ITPR2: variants seen among roughly 807,000 people sequenced by gnomAD.
ITPR2 encodes inositol 1,4,5-trisphosphate receptor type 2, also known as inositol 1,4,5-trisphosphate-gated calcium channel ITPR2.
A neutral mutation model predicts 317.1 loss-of-function variants in ITPR2; 207 were observed. The ratio of observed to expected loss-of-function variants is 0.65; its 90% CI spans 0.58 to 0.73. The LOEUF is 0.73. Ranked by LOEUF, ITPR2 falls within the 30% of genes least tolerant of loss-of-function variation. The probability of loss-of-function intolerance (pLI) is 0.00; values close to 1 mark genes in which losing one functional copy is unlikely to be tolerated. For synonymous variants in ITPR2, 1,156 were observed against 1,149.1 expected, an observed-to-expected ratio of 1.01 and a Z score of -0.12; for missense variants, 2,613 against 3,284.0, an observed-to-expected ratio of 0.80 and a Z score of 4.99.
intron 34 of ITPR2, among the ~76,000 whole-genome samples, chr12:26,573,165 G>A (rs989460839): frequency 6.6e-6 from 1 of 152,060 alleles, no homozygotes; most frequent in African/African-American, 2.4e-5. Flanking sequence ...TAGGACTACA[G>A]GTATGCACCA....
chr12:26,388,048 C>T (rs1278742934), intron 54 of ITPR2, among the ~76,000 whole-genome samples: 1 of 152,034 alleles, frequency 6.6e-6, no homozygotes, highest in African/African-American at 2.4e-5. Context: ...TGTTCAAAAC[C>T]ACTTGGAATC....
At chr12:26,772,475 TATAATATATATAATAC>T (rs1949874280) in intron 2 of ITPR2, among the ~76,000 whole-genome samples, 3 of 82,106 alleles carry the variant, frequency 3.7e-5, no homozygotes, top group Non-Finnish European at 9.8e-5. Flanking sequence ...ATGTATTATA[TATAATATATATAATAC>T]ATATAATACA....
At chr12:26,693,811 T>C (rs1342012873) in intron 10 of ITPR2, among the ~76,000 whole-genome samples, 4 of 152,168 alleles carry the variant, frequency 2.6e-5, no homozygotes, top group Admixed American at 2.6e-4. Context: ...TTTGTACAAT[T>C]TGAAATTTTG....
In ITPR2 at chr12:26,481,160, A is replaced by T. The variant is rs1365327552; in HGVS notation, c.6094T>A (p.Tyr2032Asn). The stretch of plus-strand genomic sequence containing the variant: ...AGCTGGAGCACCAGGTCCATTCGGT[A>T]TTTACCAAGAGGGTTTATGTCATTC... ...ILNDINPLGK[Y>N]RMDLVLQLKN... The change falls in exon 43 of 57, where the codon TAC (tyrosine) becomes AAC (asparagine). Residue 2032 changes from tyrosine (Y) to asparagine (N), a missense_variant. Tyr to Asn is a moderately radical substitution (Grantham distance 143, BLOSUM62 -2). This residue lies in a region of ITPR2 where 926 missense variants were observed against 1,072.8 expected (regional missense o/e 0.86). Coordinates refer to ENST00000381340, the MANE Select transcript of ITPR2 (RefSeq NM_002223.4). 2 of 1,612,486 alleles carry T rather than the reference A, an allele frequency of 1.2e-6. No homozygotes were observed. The highest frequency in any genetic ancestry group is 2.7e-5 in the African/African-American group (2 of 75,014).
chr12:26,777,250 GA>G (rs1291073499), intron 2 of ITPR2, among the ~76,000 whole-genome samples: 3 of 152,208 alleles, frequency 2.0e-5, no homozygotes, highest in African/African-American at 7.2e-5. Context: ...GGGAGATTGG[GA>G]TCCTAGAGTG....
chr12:26,817,293 G>A (rs1211426337), intron 1 of ITPR2, among the ~76,000 whole-genome samples: 1 of 151,896 alleles, frequency 6.6e-6, no homozygotes, highest in Admixed American at 6.6e-5. Context: ...CTGCGATAAT[G>A]CTGGGTGTAA....
chr12:26,596,083 T>C (rs1411628361), intron 31 of ITPR2, among the ~76,000 whole-genome samples: 2 of 152,222 alleles, frequency 1.3e-5, no homozygotes, highest in African/African-American at 4.8e-5. Flanking sequence ...GTAAATGATG[T>C]GGGAATAAAG....
chr12:26,766,731 C>T (rs1429902199), intron 2 of ITPR2, among the ~76,000 whole-genome samples: 1 of 152,092 alleles, frequency 6.6e-6, no homozygotes. Flanking sequence ...GTGTTTGCTT[C>T]TAATTGTTAT....
rs1565671594 is a variant in ITPR2 at position 26,658,129 on chromosome 12, A to G, written c.1888T>C (p.Phe630Leu). The change falls in exon 17 of 57, where the codon TTT becomes CTT. Residue 630 changes from phenylalanine to leucine, a missense_variant and splice_region_variant. Physicochemically the swap from Phe to Leu is conservative, Grantham distance 22. This residue lies in a region of ITPR2 where 515 missense variants were observed against 789.4 expected (regional missense o/e 0.65). Coordinates refer to ENST00000381340, the MANE Select transcript of ITPR2 (RefSeq NM_002223.4). ...SLLRRNREPR[F>L]LDYLSDLCVS... ...CACAGATCTGACAAATAATCCAAAAACCTGGCAAAAGAAAAAAATTAAATG... is the reference window on the plus strand; with the variant it reads ...CACAGATCTGACAAATAATCCAAAAGCCTGGCAAAAGAAAAAAATTAAATG... 6.4e-7 allele frequency: 1 copy of G among 1,550,706 alleles called. No homozygotes were observed. Among genetic ancestry groups the G allele is most frequent in the Non-Finnish European group, 8.7e-7 (1 of 1,150,584 alleles).
intron 1 of ITPR2, among the ~76,000 whole-genome samples, chr12:26,824,401 C>T (rs1234828622): frequency 1.3e-5 from 2 of 152,146 alleles, no homozygotes; most frequent in Non-Finnish European, 2.9e-5. Flanking sequence ...AACTTAATTG[C>T]TCAGCATTAC....
intron 1 of ITPR2, among the ~76,000 whole-genome samples, chr12:26,796,646 T>C (rs925544514): frequency 1.3e-5 from 2 of 152,158 alleles, no homozygotes; most frequent in Non-Finnish European, 2.9e-5. Context: ...TCTGAAGACA[T>C]GTACGAACAA....
At chr12:26,461,621 C>CATATAA (rs1272488862) in intron 45 of ITPR2, among the ~76,000 whole-genome samples, 14 of 119,428 alleles carry the variant, frequency 1.2e-4, no homozygotes, top group Non-Finnish European at 1.6e-5. Flanking sequence ...AAAAGAAAAG[C>CATATAA]ATATAAATAT....
chr12:26,656,469 C>T lies in ITPR2; in HGVS notation c.2272G>A (p.Val758Ile). 1 of 1,614,252 alleles carries T rather than the reference C, an allele frequency of 6.2e-7. No homozygotes were observed. Among genetic ancestry groups the T allele is most frequent in the Non-Finnish European group, 8.5e-7 (1 of 1,180,042 alleles). The change falls in exon 19 of 57, where the codon GTA becomes ATA. Residue 758 changes from valine to isoleucine, a missense_variant. Coordinates refer to ENST00000381340, the MANE Select transcript of ITPR2 (RefSeq NM_002223.4). ...AINQISTQLS[V>I]DLILRCVSDE... is the part of the protein sequence containing the mutation. ...GACACACACCGCAGGATCAGGTCTA[C>T]AGACAGCTGTGTAGAAATCTGGTTT...
Position 26,509,955 on chromosome 12 carries a change from G to GTT in ITPR2, c.5074-14697_5074-14696dup, listed in dbSNP as rs200388400. ...TTATTTTGTTAACAAGTAGATAAGG[G>GTT]TTTTGTGTGTGTGTGTGTGTGTGTG... On this transcript the variant is annotated intron_variant, in intron 37 of 56. Coordinates refer to ENST00000381340, the MANE Select transcript of ITPR2 (RefSeq NM_002223.4). Among the ~76,000 whole-genome samples, 19 of 92,336 alleles carry GTT rather than the reference G, an allele frequency of 2.1e-4. No homozygotes were observed. The East Asian group carries it at 2.8e-3, about 14-fold the overall frequency. 60.6% of individuals were successfully genotyped at this position (92,336 alleles called of 152,430 possible).
chr12:26,516,635 C>T (rs1359973721), intron 37 of ITPR2, among the ~76,000 whole-genome samples: 3 of 152,082 alleles, frequency 2.0e-5, no homozygotes, highest in African/African-American at 7.2e-5. Flanking sequence ...TTTTTATATG[C>T]ACTTTTTAAC....
At chr12:26,715,909 G>A in intron 6 of ITPR2, 74 bp from the exon 7 acceptor site, 3 of 1,089,064 alleles carry the variant, frequency 2.8e-6, no homozygotes, top group Non-Finnish European at 4.2e-6. Flanking sequence ...AGTTCAACTA[G>A]TAAAAGGAAA....
At chr12:26,761,639 T>G (rs1235194576) in intron 2 of ITPR2, among the ~76,000 whole-genome samples, 7 of 152,094 alleles carry the variant, frequency 4.6e-5, no homozygotes, top group Non-Finnish European at 1.0e-4. Context: ...ACAAAAAACT[T>G]TTTAAAAATT....
chr12:26,533,638 G>C (rs1944004742), intron 37 of ITPR2, among the ~76,000 whole-genome samples: 1 of 152,124 alleles, frequency 6.6e-6, no homozygotes, highest in Admixed American at 6.5e-5. Context: ...AATATTACTA[G>C]TGGCCCTATA....
At chr12:26,670,265 C>T (rs1368627588) in intron 13 of ITPR2, among the ~76,000 whole-genome samples, 3 of 152,230 alleles carry the variant, frequency 2.0e-5, no homozygotes, top group African/African-American at 7.2e-5. Flanking sequence ...TCCCTGACCC[C>T]TGACCCCTGA....
Sources: gnomAD v4.1 joint callset for allele counts (sites outside exome capture counted in the v4.1 genomes callset) on GRCh38, gnomAD v4.1.1 for gene constraint, gnomAD v4.1.1 regional missense constraint, MANE v1.5 for transcripts, NCBI Gene and HGNC (gene_info 2026-07-23, HGNC 2026-07-21) for gene names.